Variants in CSMD1 observed in about 807,000 individuals in gnomAD.
The protein encoded by CSMD1 is CUB and Sushi multiple domains 1, also known as CUB and sushi domain-containing protein 1.
In CSMD1, 213 loss-of-function variants were observed where a neutral mutation model predicts 417.5. The ratio of observed to expected loss-of-function variants is 0.51; its 90% CI spans 0.46 to 0.57. CSMD1 has a LOEUF of 0.57. Among genes scored for constraint, CSMD1 ranks in the 20% least tolerant of loss-of-function variants. The pLI, the probability that CSMD1 is intolerant of heterozygous loss-of-function variation, is 0.00. For synonymous variants in CSMD1, 2,862 were observed against 1,736.8 expected, an observed-to-expected ratio of 1.65 and a Z score of -16.11; for missense variants, 6,923 against 4,529.7, an observed-to-expected ratio of 1.53 and a Z score of -15.17.
chr8:3,606,166 C>T (rs552751017), intron 8 of CSMD1, among the ~76,000 whole-genome samples: 29 of 152,134 alleles, frequency 1.9e-4, no homozygotes, highest in African/African-American at 5.3e-4. Context: ...AGAAGCCAAC[C>T]GTGTGGGTGG....
At chr8:4,368,495 T>G (rs1802219842) in intron 3 of CSMD1, among the ~76,000 whole-genome samples, 1 of 152,192 alleles carries the variant, frequency 6.6e-6, no homozygotes, top group Non-Finnish European at 1.5e-5. Context: ...TAAAGTGACT[T>G]AGAGAGAAGT....
chr8:4,301,678 G>A (rs373619022), intron 3 of CSMD1, among the ~76,000 whole-genome samples: 1 of 152,176 alleles, frequency 6.6e-6, no homozygotes, highest in East Asian at 1.9e-4. Flanking sequence ...ATTAGGGCAT[G>A]GACCAGATTA....
At chr8:3,826,626 T>G (rs761963848) in intron 5 of CSMD1, among the ~76,000 whole-genome samples, 13 of 152,154 alleles carry the variant, frequency 8.5e-5, no homozygotes, top group African/African-American at 2.9e-4. Flanking sequence ...CTGCTGAGTA[T>G]TACATCTGGA....
intron 4 of CSMD1, among the ~76,000 whole-genome samples, chr8:4,016,315 T>A (rs780189047): frequency 1.5e-4 from 23 of 152,152 alleles, no homozygotes; most frequent in Non-Finnish European, 8.8e-5. Flanking sequence ...AAATGGGGAA[T>A]AATTAACTAC....
chr8:3,296,753 T>A (rs1803999480), intron 25 of CSMD1, among the ~76,000 whole-genome samples: 1 of 152,098 alleles, frequency 6.6e-6, no homozygotes, highest in African/African-American at 2.4e-5. Flanking sequence ...TGTAGGTTTG[T>A]CCCTCAGAAA....
chr8:4,772,306 A>T (rs1390593905), intron 1 of CSMD1, among the ~76,000 whole-genome samples: 1 of 152,078 alleles, frequency 6.6e-6, no homozygotes, highest in Non-Finnish European at 1.5e-5. Context: ...TCTCTCCTTC[A>T]CGTCATCTTT....
chr8:3,848,351 G>A (rs192333998), intron 5 of CSMD1, among the ~76,000 whole-genome samples: 14 of 151,822 alleles, frequency 9.2e-5, no homozygotes, highest in Admixed American at 5.2e-4. Context: ...TTATTAAAGA[G>A]AGTAACTAGA....
At chr8:3,534,788 G>C (rs1324161750) in intron 10 of CSMD1, among the ~76,000 whole-genome samples, 18 of 152,120 alleles carry the variant, frequency 1.2e-4, no homozygotes, top group African/African-American at 1.2e-4. Context: ...TTATTTCCTT[G>C]TTACAAATTT....
At position 3,730,132 on chromosome 8, in the gene CSMD1, A is replaced by C. The variant is rs531082189; in HGVS notation, c.932-21641T>G. Among the ~76,000 whole-genome samples, 4 of 152,188 alleles carry C rather than the reference A, an allele frequency of 2.6e-5. No individual in the cohort carries two copies. In the East Asian group the frequency reaches 7.7e-4, roughly 29 times the overall value. ...AAAAGTAAACTACTTACAAGGAGAC[A>C]ATGTGATCATCCTGAAGGCTTCAAG... On this transcript the variant is annotated intron_variant, in intron 6 of 69. Transcript: ENST00000635120.
At chr8:3,634,211 T>C (rs909712749) in intron 7 of CSMD1, among the ~76,000 whole-genome samples, 4 of 152,132 alleles carry the variant, frequency 2.6e-5, no homozygotes, top group Admixed American at 1.3e-4. Flanking sequence ...CCACAGCAGA[T>C]AGTCTATGTG....
chr8:4,093,012 G>C (rs140863901), intron 3 of CSMD1, among the ~76,000 whole-genome samples: 4 of 152,178 alleles, frequency 2.6e-5, no homozygotes, highest in Admixed American at 1.3e-4. Flanking sequence ...GACCACTGAG[G>C]AATGCTGTGA....
intron 3 of CSMD1, among the ~76,000 whole-genome samples, chr8:4,130,714 A>C (rs981074869): frequency 2.4e-5 from 3 of 124,080 alleles, no homozygotes; most frequent in African/African-American, 9.2e-5. Flanking sequence ...TAGATAACAC[A>C]TGAAAGTATT....
intron 26 of CSMD1, among the ~76,000 whole-genome samples, chr8:3,237,733 T>C (rs1282238664): frequency 7.0e-6 from 1 of 142,700 alleles, no homozygotes; most frequent in African/African-American, 2.5e-5. Flanking sequence ...ACTACAAATA[T>C]AATTTTTATA....
At chr8:4,354,023 T>G (rs1356928858) in intron 3 of CSMD1, among the ~76,000 whole-genome samples, 1 of 152,232 alleles carries the variant, frequency 6.6e-6, no homozygotes, top group African/African-American at 2.4e-5. Context: ...TTCTTCAGGC[T>G]TTTTCCTCTC....
At chr8:3,088,762 T>G (rs1291881500) in intron 48 of CSMD1, among the ~76,000 whole-genome samples, 2 of 145,036 alleles carry the variant, frequency 1.4e-5, no homozygotes, top group African/African-American at 2.6e-5. Flanking sequence ...AAGTTTTGAA[T>G]GAACCAAAAT....
At chr8:3,559,039 C>T (rs1233154467) in intron 10 of CSMD1, among the ~76,000 whole-genome samples, 1 of 152,154 alleles carries the variant, frequency 6.6e-6, no homozygotes, top group Non-Finnish European at 1.5e-5. Context: ...AGATTGGTGA[C>T]ATGTAAAGGA....
chr8:3,252,339 G>A (rs145857398), intron 26 of CSMD1, among the ~76,000 whole-genome samples: 2 of 152,082 alleles, frequency 1.3e-5, no homozygotes, highest in African/African-American at 4.8e-5. Context: ...TTTGTCTTTG[G>A]TTCTGTTTAT....
chr8:4,573,518 G>C (rs1336145003), intron 2 of CSMD1, among the ~76,000 whole-genome samples: 2 of 152,148 alleles, frequency 1.3e-5, no homozygotes, highest in East Asian at 1.9e-4. Flanking sequence ...GGGCACCTGA[G>C]AGATGCCATC....
intron 3 of CSMD1, among the ~76,000 whole-genome samples, chr8:4,376,520 A>C (rs1445213974): frequency 6.6e-6 from 1 of 152,180 alleles, no homozygotes; most frequent in Non-Finnish European, 1.5e-5. Context: ...TCCCCACAGT[A>C]TATTTAATCA....
Sources: allele counts gnomAD v4.1 joint callset (sites outside exome capture counted in the v4.1 genomes callset), GRCh38; gene constraint gnomAD v4.1.1; transcripts MANE v1.5; gene names NCBI Gene and HGNC (gene_info 2026-07-23, HGNC 2026-07-21).